PHF21B: variants seen among roughly 807,000 people sequenced by gnomAD.
PHF21B encodes PHD finger protein 4.
In PHF21B, 22 loss-of-function variants were observed where a neutral mutation model predicts 62.2. That is an observed-to-expected ratio of 0.35 (90% CI 0.25 to 0.51). PHF21B has a LOEUF of 0.51. PHF21B is among the 20% of genes least tolerant of loss of function. The probability of loss-of-function intolerance (pLI) is 0.97; values close to 1 mark genes in which losing one functional copy is unlikely to be tolerated. For synonymous variants in PHF21B, 341 were observed against 314.7 expected (o/e 1.08, Z -0.88); for missense variants, 701 against 707.9 (o/e 0.99, Z 0.11).
chr22:44,901,777 C>A (rs538632838), intron 5 of PHF21B: 1 of 306,854 alleles, frequency 3.3e-6, no homozygotes, highest in Admixed American at 3.7e-5. Flanking sequence ...CCAGAAAGGC[C>A]GTGTACAAGA....
At chr22:44,994,406 T>C (rs60482474) in intron 2 of PHF21B, among the ~76,000 whole-genome samples, 3,109 of 152,182 alleles carry the variant, frequency 0.02, 107 homozygotes, top group African/African-American at 0.07. Context: ...GGGCTGTGTC[T>C]TCAAGCCAAG....
intron 2 of PHF21B, among the ~76,000 whole-genome samples, chr22:44,950,572 CGTGTT>C (rs1021745596): frequency 6.6e-6 from 1 of 151,568 alleles, no homozygotes; most frequent in Non-Finnish European, 1.5e-5. Flanking sequence ...TCTTCGTGTT[CGTGTT>C]TTTTTTTTTC....
At chr22:44,974,156 G>A (rs1336957141) in intron 2 of PHF21B, among the ~76,000 whole-genome samples, 1 of 152,158 alleles carries the variant, frequency 6.6e-6, no homozygotes, top group Non-Finnish European at 1.5e-5. Flanking sequence ...GCTCACGTCT[G>A]TAATCCCAAC....
intron 2 of PHF21B, among the ~76,000 whole-genome samples, chr22:44,957,572 C>T (rs2072327206): frequency 6.6e-6 from 1 of 152,112 alleles, no homozygotes; most frequent in African/African-American, 2.4e-5. Context: ...CTTTTTTTCT[C>T]CTGCCTTGAG....
intron 2 of PHF21B, among the ~76,000 whole-genome samples, chr22:44,964,485 TCAG>T (rs1484711395): frequency 8.5e-5 from 13 of 152,200 alleles, no homozygotes; most frequent in Non-Finnish European, 1.9e-4. Context: ...CCTCCGATCT[TCAG>T]CAGCGAAACA....
chr22:44,962,157 GCT>G (rs2072437236), intron 2 of PHF21B, among the ~76,000 whole-genome samples: 1 of 152,090 alleles, frequency 6.6e-6, no homozygotes, highest in Non-Finnish European at 1.5e-5. Flanking sequence ...TCGAATGATA[GCT>G]CTGTTTTAAG....
At chr22:44,897,622 A>C (rs944166105) in intron 5 of PHF21B, among the ~76,000 whole-genome samples, 3 of 152,094 alleles carry the variant, frequency 2.0e-5, no homozygotes, top group African/African-American at 7.2e-5. Flanking sequence ...TATGACTTGC[A>C]ATATATTTTC....
chr22:44,995,801 C>T (rs915687683), intron 2 of PHF21B, among the ~76,000 whole-genome samples: 6 of 144,232 alleles, frequency 4.2e-5, no homozygotes, highest in Non-Finnish European at 7.7e-5. Context: ...CCCCCCACCT[C>T]CACCCCCCCA....
At chr22:44,909,650 C>T (rs528516514) in intron 5 of PHF21B, among the ~76,000 whole-genome samples, 6 of 152,380 alleles carry the variant, frequency 3.9e-5, no homozygotes, top group Admixed American at 1.3e-4. Context: ...CAGGTTCCCA[C>T]GTCTGTCTTC....
At position 45,009,002 on chromosome 22, in the gene PHF21B, C is replaced by A; in HGVS notation, c.55-392G>T. On this transcript the variant is annotated intron_variant, in intron 1 of 12. Transcript: ENST00000313237. This position sits in a 1 kb window ranked among gnomAD's most constrained non-coding sequence, Gnocchi z 5.9. ...GAGCAAAGCTCATAAATATTCAAGT[C>A]GCGTCCTAATCTCCCCAACACACAC... 9.0e-7 allele frequency: 1 copy of A among 1,107,448 alleles called. No individual in the cohort carries two copies. Among genetic ancestry groups the A allele is most frequent in the Non-Finnish European group, 1.1e-6 (1 of 908,822 alleles). The allele number at this position is 1,107,448 out of a possible 1,614,324, so 68.6% of individuals were successfully genotyped here.
intron 2 of PHF21B, among the ~76,000 whole-genome samples, chr22:44,924,638 C>G (rs1249888233): frequency 6.6e-6 from 1 of 152,228 alleles, no homozygotes; most frequent in Non-Finnish European, 1.5e-5. Flanking sequence ...GAATAGAGCC[C>G]TCATCAGGAA....
chr22:44,989,565 T>G, intron 2 of PHF21B: 1 of 149,172 alleles, frequency 6.7e-6, no homozygotes, highest in Non-Finnish European at 1.5e-5. Context: ...AACACATCAC[T>G]ATAATAATAG....
chr22:44,926,162 A>G (rs535668240), intron 2 of PHF21B, among the ~76,000 whole-genome samples: 1 of 89,782 alleles, frequency 1.1e-5, no homozygotes, highest in Non-Finnish European at 2.8e-5. Context: ...AAGGTCCATG[A>G]GGCATGACCC....
At chr22:44,984,874 G>A (rs777096404) in intron 2 of PHF21B, among the ~76,000 whole-genome samples, 6 of 152,214 alleles carry the variant, frequency 3.9e-5, no homozygotes, top group Non-Finnish European at 7.3e-5. Context: ...CCCTGGGCCT[G>A]ACCTGAGATT....
At chr22:44,897,947 T>C (rs1265230976) in intron 5 of PHF21B, among the ~76,000 whole-genome samples, 1 of 152,116 alleles carries the variant, frequency 6.6e-6, no homozygotes, top group Non-Finnish European at 1.5e-5. Flanking sequence ...TAACTGAGAC[T>C]ACAGGTGCAC....
At chr22:45,006,497 A>T (rs891006184) in intron 2 of PHF21B, among the ~76,000 whole-genome samples, 1 of 152,222 alleles carries the variant, frequency 6.6e-6, no homozygotes, top group Non-Finnish European at 1.5e-5. Flanking sequence ...CGCAACCTTC[A>T]AACAGGATTT....
intron 2 of PHF21B, among the ~76,000 whole-genome samples, chr22:44,924,056 G>A (rs1368195333): frequency 2.0e-5 from 2 of 98,672 alleles, no homozygotes; most frequent in South Asian, 4.2e-4. Context: ...GAAGAAGAGG[G>A]AGGGAGGGAG....
intron 2 of PHF21B, among the ~76,000 whole-genome samples, chr22:44,943,639 C>A (rs540249407): frequency 1.3e-5 from 2 of 152,296 alleles, no homozygotes; most frequent in African/African-American, 2.4e-5. Context: ...ACTCCCACCC[C>A]CTTTGTAAAG....
In PHF21B at chr22:44,882,934, C is replaced by T; in HGVS notation, c.*152G>A. 4 of 973,860 alleles carry T rather than the reference C, an allele frequency of 4.1e-6. No individual in the cohort carries two copies. Among genetic ancestry groups the T allele is most frequent in the Non-Finnish European group, 6.0e-6 (4 of 669,414 alleles). 60.3% of individuals were successfully genotyped at this position (973,860 alleles called of 1,614,324 possible). On this transcript the variant is annotated 3_prime_UTR_variant, in exon 13 of 13. Transcript: ENST00000313237. The stretch of plus-strand genomic sequence containing the variant: ...CCCCCACCTGGTCCTGGCTCTAGGC[C>T]TCTCGCCCAGCTCTTCCTCCCTCCT...
Sources: gnomAD v4.1 joint callset for allele counts (sites outside exome capture counted in the v4.1 genomes callset) on GRCh38, gnomAD v4.1.1 for gene constraint, Gnocchi (gnomAD v3.1) non-coding constraint, MANE v1.5 for transcripts, NCBI Gene and HGNC (gene_info 2026-07-23, HGNC 2026-07-21) for gene names.